BMP5: variants seen among roughly 807,000 people sequenced by gnomAD.
BMP5 encodes bone morphogenetic protein 5.
A neutral mutation model predicts 46.6 loss-of-function variants in BMP5; 23 were observed. The ratio of observed to expected loss-of-function variants is 0.49; its 90% CI spans 0.35 to 0.70. BMP5 has a LOEUF of 0.70. BMP5 is among the 30% of genes least tolerant of loss of function. The pLI, the probability that BMP5 is intolerant of heterozygous loss-of-function variation, is 0.00. For missense variants in BMP5, 545 were observed against 565.6 expected (o/e 0.96, Z 0.37); for synonymous variants, 204 against 191.9 (o/e 1.06, Z -0.52).
At chr6:55,814,697 C>T (rs974631386) in intron 2 of BMP5, among the ~76,000 whole-genome samples, 3 of 152,124 alleles carry the variant, frequency 2.0e-5, no homozygotes, top group African/African-American at 7.2e-5. Context: ...GTGAATCCTG[C>T]ATCTATAGGT....
At chr6:55,798,901 A>C (rs1170141525) in intron 2 of BMP5, among the ~76,000 whole-genome samples, 1 of 152,210 alleles carries the variant, frequency 6.6e-6, no homozygotes, top group Non-Finnish European at 1.5e-5. Flanking sequence ...AAATACCAGA[A>C]GGACACTACA....
chr6:55,833,494 G>A (rs939959926), intron 1 of BMP5, among the ~76,000 whole-genome samples: 1 of 152,062 alleles, frequency 6.6e-6, no homozygotes. Context: ...TTCTTTTTCG[G>A]CTTTTGAAGG....
At chr6:55,776,889 G>C (rs1483642028) in intron 3 of BMP5, among the ~76,000 whole-genome samples, 1 of 151,898 alleles carries the variant, frequency 6.6e-6, no homozygotes, top group Non-Finnish European at 1.5e-5. Flanking sequence ...ATACGGATCT[G>C]AAGATTTATG....
intron 3 of BMP5, among the ~76,000 whole-genome samples, chr6:55,781,841 C>T (rs985353264): frequency 2.0e-5 from 3 of 151,864 alleles, no homozygotes; most frequent in Admixed American, 6.6e-5. Flanking sequence ...AAACTCCTGA[C>T]CACAGGTGAT....
At chr6:55,776,827 T>C (rs538230277) in intron 3 of BMP5, among the ~76,000 whole-genome samples, 1 of 152,104 alleles carries the variant, frequency 6.6e-6, no homozygotes, top group South Asian at 2.1e-4. Context: ...GGGTTTCTTT[T>C]GTTATTATTC....
chr6:55,836,048 G>A (rs1776786457), intron 1 of BMP5, among the ~76,000 whole-genome samples: 1 of 152,018 alleles, frequency 6.6e-6, no homozygotes, highest in Non-Finnish European at 1.5e-5. Flanking sequence ...TTATTTAAAT[G>A]TAGGCTACCT....
Position 55,759,120 on chromosome 6 carries a change from C to CACAT in BMP5, c.1105-9_1105-6dup. The CACAT allele has an allele frequency of 2.0e-6, 1 of 493,016 alleles. No homozygotes were observed. The allele number at this position is 493,016 out of a possible 1,614,324, so 30.5% of individuals were successfully genotyped here. A position where few individuals can be genotyped will look rare whatever the true frequency, so the allele number is the denominator to read the frequency against. ...TTCTGGTGCTATAATCCAGTCCTGACACATACACACACACACACACACACA... is the reference window on the plus strand; with the variant it reads ...TTCTGGTGCTATAATCCAGTCCTGACACATACATACACACACACACACACACACA... On this transcript the variant is annotated splice_polypyrimidine_tract_variant and splice_region_variant and intron_variant, in intron 5 of 6. Coordinates refer to ENST00000370830, the MANE Select transcript of BMP5 (RefSeq NM_021073.4).
chr6:55,850,010 T>A (rs144592172), intron 1 of BMP5, among the ~76,000 whole-genome samples: 41 of 152,202 alleles, frequency 2.7e-4, no homozygotes, highest in African/African-American at 9.9e-4. Context: ...ATACATAGTA[T>A]CTTTCAAGGT....
chr6:55,814,544 T>C lies in BMP5; in HGVS notation c.683+5111A>G, dbSNP rs186062671. On this transcript the variant is annotated intron_variant, in intron 2 of 6. Transcript: ENST00000370830. ...CTATTTGGGAATTTCAAGTCTATGC[T>C]CTTATGGCACTATATTATTATTTTC... 5.9e-3 allele frequency among the ~76,000 whole-genome samples: 895 copies of C among 152,282 alleles called. 10 individuals carry two copies. The highest frequency in any genetic ancestry group is 0.02 in the African/African-American group (838 of 41,568).
intron 2 of BMP5, among the ~76,000 whole-genome samples, chr6:55,803,146 G>GT (rs1257911851): frequency 7.3e-6 from 1 of 137,548 alleles, no homozygotes; most frequent in Non-Finnish European, 1.6e-5. Context: ...ATTAGCTGGG[G>GT]TGGGGGGGTG....
intron 2 of BMP5, among the ~76,000 whole-genome samples, chr6:55,801,461 T>C (rs959017970): frequency 2.0e-5 from 3 of 152,226 alleles, no homozygotes; most frequent in Non-Finnish European, 2.9e-5. Flanking sequence ...TTCCACTTTG[T>C]CCTCATGGGT....
chr6:55,768,592 T>G (rs1324504429), intron 4 of BMP5, among the ~76,000 whole-genome samples: 2 of 151,938 alleles, frequency 1.3e-5, no homozygotes, highest in Admixed American at 1.3e-4. Flanking sequence ...TAACCCCATT[T>G]TAAGTTGAAG....
chr6:55,760,301 T>C (rs578118663), intron 5 of BMP5, among the ~76,000 whole-genome samples, 156 bp downstream of exon 5: 22 of 152,036 alleles, frequency 1.4e-4, no homozygotes, highest in Non-Finnish European at 2.6e-4. Context: ...AAAAGGTTAA[T>C]TGAGAAATGA....
At chr6:55,825,338 A>G (rs1776504115) in intron 1 of BMP5, among the ~76,000 whole-genome samples, 1 of 151,924 alleles carries the variant, frequency 6.6e-6, no homozygotes, top group Non-Finnish European at 1.5e-5. Context: ...TGCTAGAAGA[A>G]GAGAAATAAT....
intron 1 of BMP5, among the ~76,000 whole-genome samples, chr6:55,854,266 A>G (rs1777331339): frequency 6.6e-6 from 1 of 152,124 alleles, no homozygotes; most frequent in Non-Finnish European, 1.5e-5. Flanking sequence ...GGACATCCTG[A>G]TACTAAACAA....
intron 1 of BMP5, among the ~76,000 whole-genome samples, chr6:55,871,930 C>A (rs896044887): frequency 6.6e-6 from 1 of 151,654 alleles, no homozygotes; most frequent in African/African-American, 2.4e-5. Context: ...TCTTTTAAGA[C>A]AGTGAAAAAA....
intron 1 of BMP5, among the ~76,000 whole-genome samples, chr6:55,854,110 G>C (rs949577278): frequency 2.0e-5 from 3 of 151,812 alleles, no homozygotes; most frequent in African/African-American, 7.3e-5. Context: ...TGGAGAAAAA[G>C]GTTTCTATGA....
At chr6:55,792,072 C>T (rs902765256) in intron 3 of BMP5, among the ~76,000 whole-genome samples, 2 of 152,094 alleles carry the variant, frequency 1.3e-5, no homozygotes, top group African/African-American at 2.4e-5. Context: ...TAATGATAAT[C>T]GTAAAGCCAT....
intron 5 of BMP5, 79 bp from the exon 6 acceptor site, chr6:55,759,194 A>AAC (rs1562023580): frequency 7.3e-5 from 58 of 797,484 alleles, no homozygotes; most frequent in Admixed American, 1.1e-4. Flanking sequence ...CAACAAGAAA[A>AAC]AATATCACCA....
Sources: gnomAD v4.1 joint callset for allele counts (sites outside exome capture counted in the v4.1 genomes callset) on GRCh38, gnomAD v4.1.1 for gene constraint, MANE v1.5 for transcripts, NCBI Gene and HGNC (gene_info 2026-07-23, HGNC 2026-07-21) for gene names.